TET1: variants seen among roughly 807,000 people sequenced by gnomAD.
The protein encoded by TET1 is tet methylcytosine dioxygenase 1, also known as methylcytosine dioxygenase TET1.
A neutral mutation model predicts 148.7 loss-of-function variants in TET1; 13 were observed. The observed-to-expected ratio is 0.09, with a 90% CI of 0.06 to 0.14. The LOEUF is 0.14. Ranked by LOEUF, TET1 falls within the 10% of genes least tolerant of loss-of-function variation. The pLI is 1.00. For missense variants in TET1, 2,182 were observed against 2,553.8 expected (o/e 0.85, Z 3.14); for synonymous variants, 907 against 937.2 (o/e 0.97, Z 0.59).
chr10:68,602,303 C>T (rs73276496), intron 3 of TET1, among the ~76,000 whole-genome samples: 3,835 of 152,288 alleles, frequency 0.025, 161 homozygotes, highest in African/African-American at 0.088. Context: ...CATCGACCCC[C>T]ATTTATTCCT....
chr10:68,567,373 A>G (rs894447354), intron 1 of TET1, among the ~76,000 whole-genome samples: 1 of 152,082 alleles, frequency 6.6e-6, no homozygotes, highest in Non-Finnish European at 1.5e-5. Flanking sequence ...ATTTTTAAAC[A>G]GATTGAACCC....
intron 3 of TET1, among the ~76,000 whole-genome samples, chr10:68,625,626 C>A (rs1231158255): frequency 6.6e-6 from 1 of 152,156 alleles, no homozygotes; most frequent in African/African-American, 2.4e-5. Flanking sequence ...TCATAAAAAG[C>A]CTTACACTCA....
intron 6 of TET1, among the ~76,000 whole-genome samples, chr10:68,665,184 G>C (rs1254920688): frequency 6.6e-6 from 1 of 151,940 alleles, no homozygotes; most frequent in East Asian, 1.9e-4. Flanking sequence ...TATTTTTTGT[G>C]TTTAGATACA....
intron 2 of TET1, among the ~76,000 whole-genome samples, chr10:68,595,863 G>A (rs1269051744): frequency 2.6e-5 from 3 of 116,490 alleles, no homozygotes; most frequent in African/African-American, 1.2e-4. Context: ...TGATCAGCCC[G>A]CCATGGCCTC....
rs982041008 is a variant in TET1 at position 68,693,326 on chromosome 10, A to T, written c.*1512A>T. On this transcript the variant is annotated 3_prime_UTR_variant, in exon 12 of 12. Coordinates refer to ENST00000373644, the MANE Select transcript of TET1 (RefSeq NM_030625.3). ...GGTGCTATAACATTCAAAGTGTCAGATTCCTTGGGAGTATGGAAAACCTAA... is the reference window on the plus strand; with the variant it reads ...GGTGCTATAACATTCAAAGTGTCAGTTTCCTTGGGAGTATGGAAAACCTAA... 4.3e-6 allele frequency: 1 copy of T among 233,312 alleles called. No individual in the cohort carries two copies. Among genetic ancestry groups the T allele is most frequent in the Non-Finnish European group, 8.5e-6 (1 of 117,862 alleles). 14.5% of individuals were successfully genotyped at this position (233,312 alleles called of 1,614,324 possible).
At chr10:68,634,744 G>A (rs192284307) in intron 3 of TET1, among the ~76,000 whole-genome samples, 1 of 152,026 alleles carries the variant, frequency 6.6e-6, no homozygotes, top group Non-Finnish European at 1.5e-5. Flanking sequence ...ATAATAATAG[G>A]TATTCATAAA....
chr10:68,645,956 A>C lies in TET1; in HGVS notation c.3227A>C (p.Asp1076Ala). 6.2e-7 allele frequency: 1 copy of C among 1,614,116 alleles called. No individual in the cohort carries two copies. The highest frequency in any genetic ancestry group is 8.5e-7 in the Non-Finnish European group (1 of 1,180,006). The change falls in exon 4 of 12, where the codon GAT becomes GCT. Residue 1076 changes from aspartate (D) to alanine (A), a missense_variant. Asp to Ala is a moderately radical substitution (Grantham distance 126). Coordinates refer to ENST00000373644, the MANE Select transcript of TET1 (RefSeq NM_030625.3). ...GCAACCCATACCCAAATTGAGGAAG[A>C]TGTTGCAACACAGTTGACACAACTT... is the stretch of plus-strand genomic sequence containing the variant. ...QDATHTQIEE[D>A]VATQLTQLAS...
At chr10:68,561,748 A>AATATAT (rs35803297) in intron 1 of TET1, among the ~76,000 whole-genome samples, 4 of 133,398 alleles carry the variant, frequency 3.0e-5, no homozygotes. Flanking sequence ...CAGGCTCTTG[A>AATATAT]ATATATATAT....
chr10:68,691,863 C>T lies in TET1; in HGVS notation c.*49C>T, dbSNP rs750208298. 2 of 1,534,492 alleles carry T rather than the reference C, an allele frequency of 1.3e-6. No homozygotes were observed. The highest frequency in any genetic ancestry group is 1.4e-5 in the African/African-American group (1 of 72,104). On this transcript the variant is annotated 3_prime_UTR_variant, in exon 12 of 12. Transcript: ENST00000373644. The surrounding 1 kb of genome is among the most constrained non-coding windows in gnomAD (Gnocchi z 4.4). ...CCTTTGCTAGTGCAGTGTATTTTTT[C>T]AAGGTGCTGTTAAAAGAAAGTCATG...
At chr10:68,619,625 A>T (rs1322157863) in intron 3 of TET1, among the ~76,000 whole-genome samples, 1 of 152,230 alleles carries the variant, frequency 6.6e-6, no homozygotes, top group African/African-American at 2.4e-5. Context: ...TTGCATTTTT[A>T]TGAATACAAC....
intron 8 of TET1, among the ~76,000 whole-genome samples, chr10:68,674,107 A>G (rs2055317888): frequency 6.6e-6 from 1 of 151,614 alleles, no homozygotes; most frequent in Non-Finnish European, 1.5e-5. Context: ...GATTACAGGC[A>G]TGCACCACCA....
chr10:68,595,929 T>C lies in TET1; in HGVS notation c.1915-5052T>C, dbSNP rs1433026136. 4.0e-3 allele frequency among the ~76,000 whole-genome samples: 93 copies of C among 23,036 alleles called. 2 individuals carry two copies. The highest frequency in any genetic ancestry group is 9.1e-3 in the African/African-American group (85 of 9,348). 15.1% of individuals were successfully genotyped at this position (23,036 alleles called of 152,430 possible). A position where few individuals can be genotyped will look rare whatever the true frequency, so the allele number is the denominator to read the frequency against. ...TGCGCCCAGCCAAAACATATATATATATATATATATATATATATATATATA... is the reference window on the plus strand; with the variant it reads ...TGCGCCCAGCCAAAACATATATATACATATATATATATATATATATATATA... On this transcript the variant is annotated intron_variant, in intron 2 of 11. Coordinates refer to ENST00000373644, the MANE Select transcript of TET1 (RefSeq NM_030625.3).
intron 11 of TET1, among the ~76,000 whole-genome samples, chr10:68,689,622 A>G (rs2055562929): frequency 6.6e-6 from 1 of 152,018 alleles, no homozygotes; most frequent in African/African-American, 2.4e-5. Context: ...CTAAAATACA[A>G]AAAATTAGCT....
intron 2 of TET1, among the ~76,000 whole-genome samples, chr10:68,578,511 G>A (rs1378391185): frequency 2.0e-5 from 3 of 152,066 alleles, no homozygotes; most frequent in Admixed American, 6.6e-5. Flanking sequence ...GCCTGCCTCG[G>A]CCTCACAAAG....
chr10:68,626,365 CTTGT>C (rs1180346870), intron 3 of TET1, among the ~76,000 whole-genome samples: 1 of 151,436 alleles, frequency 6.6e-6, no homozygotes, highest in Non-Finnish European at 1.5e-5. Context: ...TATTTGCTTG[CTTGT>C]TTGTTTGTTT....
intron 2 of TET1, among the ~76,000 whole-genome samples, chr10:68,586,083 A>C (rs927523301): frequency 2.0e-5 from 3 of 151,818 alleles, no homozygotes; most frequent in African/African-American, 7.3e-5. Context: ...GTCATAGCTC[A>C]CTGTAACCTT....
intron 3 of TET1, among the ~76,000 whole-genome samples, chr10:68,606,840 C>A (rs1281128234): frequency 6.6e-6 from 1 of 152,160 alleles, no homozygotes; most frequent in Admixed American, 6.6e-5. Flanking sequence ...TTATTGAACT[C>A]ATTTTGTCAT....
intron 1 of TET1, among the ~76,000 whole-genome samples, chr10:68,561,589 C>A (rs1385724577): frequency 6.6e-6 from 1 of 152,064 alleles, no homozygotes; most frequent in Non-Finnish European, 1.5e-5. Context: ...TGGGGCTGGT[C>A]GTGCAGCACG....
intron 3 of TET1, among the ~76,000 whole-genome samples, chr10:68,633,503 T>C (rs1371950696): frequency 6.6e-6 from 1 of 152,130 alleles, no homozygotes; most frequent in African/African-American, 2.4e-5. Context: ...CACTTTAGCC[T>C]CCTGAGTAGC....
Sources: gnomAD v4.1 joint callset for allele counts (sites outside exome capture counted in the v4.1 genomes callset) on GRCh38, gnomAD v4.1.1 for gene constraint, Gnocchi (gnomAD v3.1) non-coding constraint, MANE v1.5 for transcripts, NCBI Gene and HGNC (gene_info 2026-07-23, HGNC 2026-07-21) for gene names.